Variants in ZMYM2 observed in about 807,000 individuals in gnomAD.
The protein encoded by ZMYM2 is zinc finger MYM-type containing 2.
In ZMYM2, 56 loss-of-function variants were observed where a neutral mutation model predicts 162.8. The ratio of observed to expected loss-of-function variants is 0.34; its 90% CI spans 0.28 to 0.43. ZMYM2 has a LOEUF of 0.43. Among genes scored for constraint, ZMYM2 ranks in the 20% least tolerant of loss-of-function variants. ZMYM2 has a pLI of 1.00. For missense variants in ZMYM2, 1,275 were observed against 1,621.8 expected, an observed-to-expected ratio of 0.79 and a Z score of 3.67; for synonymous variants, 510 against 541.6, an observed-to-expected ratio of 0.94 and a Z score of 0.81.
chr13:20,026,563 TAGTTA>T lies in ZMYM2; in HGVS notation c.1585-44_1585-40del, dbSNP rs769699368. ...TAATGAAAAATTGGTAATTCTTTTC[TAGTTA>T]AGTTGTAGTCTTAAAAATTATCTTT... On this transcript the variant is annotated intron_variant, in intron 7 of 24. Transcript: ENST00000610343. 7 of 1,523,260 alleles carry T rather than the reference TAGTTA, an allele frequency of 4.6e-6. No individual in the cohort carries two copies. In the East Asian group the frequency reaches 9.3e-5, roughly 20 times the overall value. The allele number at this position is 1,523,260 out of a possible 1,614,324, so 94.4% of individuals were successfully genotyped here.
intron 2 of ZMYM2, among the ~76,000 whole-genome samples, chr13:19,987,519 T>C (rs1275385136): frequency 6.6e-6 from 1 of 151,678 alleles, no homozygotes; most frequent in Non-Finnish European, 1.5e-5. Context: ...CACCTGGGCC[T>C]CCCAAAGTGC....
At chr13:19,948,160 G>A in the ZMYM2 span, among the ~76,000 whole-genome samples, 7 of 152,310 alleles carry the variant, frequency 4.6e-5, no homozygotes, top group Admixed American at 2.6e-4. Context: ...TGGTGGGAAT[G>A]TAAAATTCCA....
Position 19,986,708 on chromosome 13 carries a change from A to G in ZMYM2, c.-10-6355A>G, listed in dbSNP as rs1025716291. 2.4e-4 allele frequency among the ~76,000 whole-genome samples: 36 copies of G among 152,320 alleles called. No individual in the cohort carries two copies. The Middle Eastern group carries it at 0.01, about 44-fold the overall frequency. On this transcript the variant is annotated intron_variant, in intron 2 of 24. Transcript: ENST00000610343. The stretch of plus-strand genomic sequence containing the variant: ...AATACAAGTACTGTCATCAGTAATA[A>G]CTAACATTCTTTTAATGGTTATTAT...
chr13:19,985,959 G>T (rs968629647), intron 2 of ZMYM2, among the ~76,000 whole-genome samples: 9 of 152,132 alleles, frequency 5.9e-5, no homozygotes, highest in Non-Finnish European at 1.3e-4. Context: ...GTTGAGGCAG[G>T]CAGGTTGCTT....
chr13:19,877,230 A>G, the ZMYM2 span, among the ~76,000 whole-genome samples: 148 of 144,166 alleles, frequency 1.0e-3, 1 homozygote, highest in African/African-American at 3.2e-3. Context: ...AAAAAAAAAC[A>G]AAGAAGTTTA....
chr13:20,039,358 A>G (rs1226617238), intron 12 of ZMYM2, among the ~76,000 whole-genome samples: 3 of 152,086 alleles, frequency 2.0e-5, no homozygotes, highest in Admixed American at 1.3e-4. Context: ...CCAGTTTTCA[A>G]GGGGAATGCA....
the ZMYM2 span, among the ~76,000 whole-genome samples, chr13:19,926,529 A>C: frequency 6.6e-6 from 1 of 150,908 alleles, no homozygotes; most frequent in Non-Finnish European, 1.5e-5. Context: ...AAGCCCAACT[A>C]ATTTTTGCAT....
At chr13:19,918,808 T>G in the ZMYM2 span, among the ~76,000 whole-genome samples, 1 of 152,132 alleles carries the variant, frequency 6.6e-6, no homozygotes, top group Non-Finnish European at 1.5e-5. Context: ...CAAAAACCTC[T>G]TATTTTCAAA....
intron 24 of ZMYM2, 129 bp downstream of exon 24, chr13:20,083,905 A>C: frequency 1.1e-6 from 1 of 885,458 alleles, no homozygotes; most frequent in Non-Finnish European, 1.7e-6. Context: ...GTTATACCCA[A>C]GTTCATTCAG....
intron 2 of ZMYM2, among the ~76,000 whole-genome samples, chr13:19,978,502 C>T (rs1182986807): frequency 2.0e-5 from 3 of 151,968 alleles, no homozygotes; most frequent in Non-Finnish European, 2.9e-5. Context: ...CCACAACGTC[C>T]GCCTCCTGGG....
At chr13:19,916,287 T>C in the ZMYM2 span, among the ~76,000 whole-genome samples, 1,088 of 152,234 alleles carry the variant, frequency 7.1e-3, 14 homozygotes, top group African/African-American at 0.025. Flanking sequence ...GTTCAACCAT[T>C]GTGGAAGACA....
rs763036617 is a variant in ZMYM2, at chr13:20,062,937, A to C, written c.3003A>C (p.Glu1001Asp). 16 of 1,604,544 alleles carry C rather than the reference A, an allele frequency of 1.0e-5. No individual in the cohort carries two copies. In the Admixed American group the frequency reaches 1.0e-4, roughly 10 times the overall value. Residue 1001 changes from glutamate to aspartate, a missense_variant, in exon 18 of 25, where the codon GAA becomes GAC. Around this residue, in one of 10 missense-constraint regions of ZMYM2, gnomAD observed 229 missense variants for 283.8 expected, o/e 0.81. Transcript: ENST00000610343. ...TQSSMPDVPYEPDLDIEIDFP... is the reference protein window; with the variant it reads ...TQSSMPDVPYDPDLDIEIDFP... ...CCAGCATGCCTGATGTACCATATGA[A>C]CCAGATTTGGATATCGAAATAGATT... is the stretch of plus-strand genomic sequence containing the variant.
At chr13:19,878,555 CTT>C in the ZMYM2 span, among the ~76,000 whole-genome samples, 6 of 118,208 alleles carry the variant, frequency 5.1e-5, no homozygotes, top group Admixed American at 1.1e-4. Context: ...GAGTTTCGCT[CTT>C]GTCACTCAGG....
intron 1 of ZMYM2, chr13:19,959,718 G>C (rs1382937797): frequency 1.3e-5 from 2 of 152,404 alleles, no homozygotes; most frequent in South Asian, 2.1e-4. Flanking sequence ...GGTGTCCTTA[G>C]GCCCCCTCCC....
chr13:20,050,409 A>G (rs972571493), intron 12 of ZMYM2, among the ~76,000 whole-genome samples: 9 of 152,016 alleles, frequency 5.9e-5, no homozygotes, highest in African/African-American at 2.2e-4. Flanking sequence ...TTAGAGTAAT[A>G]AAGGAAAAGC....
chr13:19,966,629 C>T (rs1239749153), intron 2 of ZMYM2, among the ~76,000 whole-genome samples: 3 of 150,290 alleles, frequency 2.0e-5, no homozygotes, highest in Non-Finnish European at 4.4e-5. Flanking sequence ...TTAGTATAGA[C>T]GGGGTTTCTC....
rs1215836813 is a variant in ZMYM2, at chr13:20,077,414, C to G, written c.3454-4602C>G. On this transcript the variant is annotated intron_variant, in intron 21 of 24. Transcript: ENST00000610343. ...TCTGGTGAGCAGTTTGAATTAAAAGCCATTACAATATGTTCCACTGAAAGA... is the reference window on the plus strand; with the variant it reads ...TCTGGTGAGCAGTTTGAATTAAAAGGCATTACAATATGTTCCACTGAAAGA... Among the ~76,000 whole-genome samples the G allele has an allele frequency of 2.0e-5, 3 of 150,448 alleles. No homozygotes were observed. The East Asian group carries it at 5.8e-4, about 29-fold the overall frequency.
At chr13:20,013,247 C>G (rs752899542) in intron 6 of ZMYM2, among the ~76,000 whole-genome samples, 8 of 151,834 alleles carry the variant, frequency 5.3e-5, no homozygotes, top group Non-Finnish European at 1.0e-4. Context: ...TATTAATTTC[C>G]TTTTCAGATT....
At chr13:19,888,274 G>A in the ZMYM2 span, among the ~76,000 whole-genome samples, 3 of 151,528 alleles carry the variant, frequency 2.0e-5, no homozygotes, top group Non-Finnish European at 4.4e-5. Context: ...CCGCAGTCTC[G>A]ACCTCCTGGG....
Sources: allele counts gnomAD v4.1 joint callset (sites outside exome capture counted in the v4.1 genomes callset), GRCh38; gene constraint gnomAD v4.1.1; regional missense constraint gnomAD v4.1.1; transcripts MANE v1.5; gene names NCBI Gene and HGNC (gene_info 2026-07-23, HGNC 2026-07-21).